DOCK1: variants seen among roughly 807,000 people sequenced by gnomAD.
DOCK1 encodes the protein dedicator of cytokinesis 1.
Under a neutral mutation model 262.7 loss-of-function variants are expected in DOCK1, and 138 were observed. The ratio of observed to expected loss-of-function variants is 0.53; its 90% confidence interval spans 0.46 to 0.61. The LOEUF is 0.61. Among genes scored for constraint, DOCK1 ranks in the 20% least tolerant of loss-of-function variants. DOCK1 has a pLI of 0.00. For missense variants in DOCK1, 1,908 were observed against 2,370.7 expected (o/e 0.80, Z 4.05); for synonymous variants, 866 against 867.4 (o/e 1.00, Z 0.03).
intron 6 of DOCK1, among the ~76,000 whole-genome samples, chr10:126,994,811 C>G (rs963148820): frequency 2.8e-4 from 42 of 152,378 alleles, no homozygotes; most frequent in African/African-American, 9.1e-4. Context: ...GTCATCATGG[C>G]CCGTTCTCAA....
intron 27 of DOCK1, among the ~76,000 whole-genome samples, chr10:127,226,475 G>A (rs539789240): frequency 6.7e-6 from 1 of 148,404 alleles, no homozygotes; most frequent in East Asian, 2.0e-4. Flanking sequence ...TGGGCACAGT[G>A]GCTCACACCT....
At chr10:126,997,401 C>T (rs948049649) in intron 7 of DOCK1, among the ~76,000 whole-genome samples, 1 of 152,088 alleles carries the variant, frequency 6.6e-6, no homozygotes, top group African/African-American at 2.4e-5. Flanking sequence ...GTGGCTTCTG[C>T]TTCTGGGGAG....
chr10:127,275,247 T>C (rs964788537), intron 29 of DOCK1, among the ~76,000 whole-genome samples: 1 of 148,450 alleles, frequency 6.7e-6, no homozygotes, highest in African/African-American at 2.5e-5. Flanking sequence ...GAGTCAGTAA[T>C]AGGAAGAAAA....
rs199999777 is a variant in DOCK1 at position 126,907,138 on chromosome 10, TC to T, written c.46+1576del. Among the ~76,000 whole-genome samples, 7 of 2,904 alleles carry T rather than the reference TC, an allele frequency of 2.4e-3. No individual in the cohort carries two copies. The Non-Finnish European group carries it at 0.025, about 10-fold the overall frequency. The allele number at this position is 2,904 out of a possible 152,430, so 1.9% of individuals were successfully genotyped here. A position where few individuals can be genotyped will look rare whatever the true frequency, so the allele number is the denominator to read the frequency against. On this transcript the variant is annotated intron_variant, in intron 1 of 51. Transcript: ENST00000623213. The stretch of plus-strand genomic sequence containing the variant: ...TCAGTCTGCATCAGAGGCGAGAGGT[TC>T]GGGGTGGATATTCCACCTGAGAATG...
In DOCK1 at chr10:127,414,880, C is replaced by G. The variant is rs192471992; in HGVS notation, c.4429-272C>G. Among the ~76,000 whole-genome samples, 312 of 152,308 alleles carry G rather than the reference C, an allele frequency of 2.0e-3. 1 individual carries two copies. The highest frequency in any genetic ancestry group is 7.2e-3 in the African/African-American group (298 of 41,574). ...GAGTATACACATCTTTCTCACTCAC[C>G]TAGTATACTTTCATTGTCAAATACC... On this transcript the variant is annotated intron_variant, in intron 43 of 51. Transcript: ENST00000623213.
At chr10:127,232,668 C>A (rs1358095918) in intron 27 of DOCK1, among the ~76,000 whole-genome samples, 1 of 152,076 alleles carries the variant, frequency 6.6e-6, no homozygotes, top group Non-Finnish European at 1.5e-5. Flanking sequence ...GCTTTTTGCC[C>A]CTTCATGACA....
chr10:126,956,681 C>T (rs1458084957), intron 1 of DOCK1, among the ~76,000 whole-genome samples: 2 of 152,196 alleles, frequency 1.3e-5, no homozygotes, highest in Non-Finnish European at 2.9e-5. Context: ...AGCTAATACA[C>T]ACTCACCAGG....
intron 27 of DOCK1, among the ~76,000 whole-genome samples, chr10:127,206,175 A>C (rs1380058448): frequency 9.2e-6 from 1 of 109,196 alleles, no homozygotes; most frequent in East Asian, 2.6e-4. Context: ...ACAGAGTCTC[A>C]CTCTGTTGCC....
chr10:127,345,903 T>C (rs1198008562), intron 31 of DOCK1, among the ~76,000 whole-genome samples: 1 of 152,170 alleles, frequency 6.6e-6, no homozygotes, highest in Non-Finnish European at 1.5e-5. Context: ...GTGCTGGGAA[T>C]TGTAGTGCAG....
At chr10:127,336,755 G>A (rs577590120) in intron 29 of DOCK1, among the ~76,000 whole-genome samples, 3 of 152,062 alleles carry the variant, frequency 2.0e-5, no homozygotes, top group Non-Finnish European at 2.9e-5. Context: ...TAGCCAGGAT[G>A]GTCTCAATCT....
At chr10:127,125,667 A>G (rs2133078353) in intron 26 of DOCK1, 66 bp downstream of exon 26, 1 of 1,559,290 alleles carries the variant, frequency 6.4e-7, no homozygotes, top group East Asian at 2.3e-5. Flanking sequence ...CTTGCAGTAC[A>G]ACTTTATTCA....
rs774241221 is a variant in DOCK1 at position 126,905,479 on chromosome 10, G to A, written c.-39G>A. The A allele has an allele frequency of 9.5e-6, 5 of 524,430 alleles. No homozygotes were observed. Among genetic ancestry groups the A allele is most frequent in the Admixed American group, 9.4e-5 (3 of 31,822 alleles). 32.5% of individuals were successfully genotyped at this position (524,430 alleles called of 1,614,324 possible). ...GAATGGAAAATGGCGGCCTAGACGC[G>A]GAGTTTCCTGCCCGACCCGCGGCGG... On this transcript the variant is annotated 5_prime_UTR_variant, in exon 1 of 52. Coordinates refer to ENST00000623213, the MANE Select transcript of DOCK1 (RefSeq NM_001290223.2).
At chr10:127,113,824 T>C (rs1435282977) in intron 25 of DOCK1, among the ~76,000 whole-genome samples, 1 of 152,204 alleles carries the variant, frequency 6.6e-6, no homozygotes. Context: ...TCTGCCCTTC[T>C]GTTCTATCCA....
chr10:127,068,164 C>T (rs1295546079), intron 23 of DOCK1, among the ~76,000 whole-genome samples: 3 of 152,132 alleles, frequency 2.0e-5, no homozygotes, highest in Admixed American at 6.5e-5. Flanking sequence ...AAAATAATTT[C>T]CTGATTTGAA....
In DOCK1 at chr10:126,941,647, C is replaced by T. The variant is rs1041910100; in HGVS notation, c.47-29055C>T. 5.1e-4 allele frequency among the ~76,000 whole-genome samples: 77 copies of T among 152,134 alleles called. No homozygotes were observed. In the South Asian group the frequency reaches 0.013, roughly 25 times the overall value. ...GGCGGGTGCCTGTAGTCCCGCTACT[C>T]GGGAGGCTGAGGCAGGAGAATGGCG... On this transcript the variant is annotated intron_variant, in intron 1 of 51. Transcript: ENST00000623213.
chr10:127,153,084 G>A (rs960724935), intron 27 of DOCK1, among the ~76,000 whole-genome samples: 3 of 152,086 alleles, frequency 2.0e-5, no homozygotes, highest in Admixed American at 1.3e-4. Flanking sequence ...TGATAATTTG[G>A]TGGATCACTA....
intron 1 of DOCK1, among the ~76,000 whole-genome samples, chr10:126,908,276 G>A (rs1206151970): frequency 6.6e-6 from 1 of 152,180 alleles, no homozygotes; most frequent in Non-Finnish European, 1.5e-5. Context: ...GGGATTTATT[G>A]CCAGTAGGTG....
At chr10:126,958,887 C>G (rs1018480164) in intron 1 of DOCK1, among the ~76,000 whole-genome samples, 2 of 152,180 alleles carry the variant, frequency 1.3e-5, no homozygotes, top group Admixed American at 6.5e-5. Flanking sequence ...GACCATGGCC[C>G]GTGACACAGC....
chr10:127,181,204 G>A (rs770538313), intron 27 of DOCK1, among the ~76,000 whole-genome samples: 103 of 152,314 alleles, frequency 6.8e-4, no homozygotes, highest in Non-Finnish European at 1.2e-3. Flanking sequence ...ACGTGCCTGC[G>A]TATGTATTTG....
Sources: allele counts gnomAD v4.1 joint callset (sites outside exome capture counted in the v4.1 genomes callset), GRCh38; gene constraint gnomAD v4.1.1; transcripts MANE v1.5; gene names NCBI Gene and HGNC (gene_info 2026-07-23, HGNC 2026-07-21).